The following BAZ2B variants were observed in gnomAD, a reference collection of about 807,000 sequenced individuals.
The protein encoded by BAZ2B is bromodomain adjacent to zinc finger domain 2B, also known as bromodomain adjacent to zinc finger domain protein 2B.
In BAZ2B, 91 loss-of-function variants were observed where a neutral mutation model predicts 246.0. That is an observed-to-expected ratio of 0.37 (90% CI 0.31 to 0.44). The LOEUF is 0.44. BAZ2B is among the 20% of genes least tolerant of loss of function. The pLI, the probability that BAZ2B is intolerant of heterozygous loss-of-function variation, is 1.00. For missense variants in BAZ2B, 2,332 were observed against 2,533.7 expected, an observed-to-expected ratio of 0.92 and a Z score of 1.71; for synonymous variants, 855 against 860.0, an observed-to-expected ratio of 0.99 and a Z score of 0.10.
intron 6 of BAZ2B, 126 bp downstream of exon 6, chr2:159,446,656 G>GAAATAAAAA (rs2074293920): frequency 1.3e-6 from 1 of 780,746 alleles, no homozygotes; most frequent in Non-Finnish European, 2.0e-6. Flanking sequence ...CATAAATCAC[G>GAAATAAAAA]TATCTATAAA....
chr2:159,596,777 C>T (rs1001439121), intron 1 of BAZ2B, among the ~76,000 whole-genome samples: 2 of 152,216 alleles, frequency 1.3e-5, no homozygotes, highest in African/African-American at 4.8e-5. Context: ...TGAGTGAGAA[C>T]ATACGATGTT....
chr2:159,337,083 T>A lies in BAZ2B; in HGVS notation c.5661-6A>T, dbSNP rs2065799736. On this transcript the variant is annotated splice_region_variant and splice_polypyrimidine_tract_variant and intron_variant, in intron 32 of 36. Coordinates refer to ENST00000392783, the MANE Select transcript of BAZ2B (RefSeq NM_013450.4). ...GAGCAATATCCTCTTCAATTCTGCA[T>A]TGAAATATAGAAAAATTAAGTAGGT... is the stretch of plus-strand genomic sequence containing the variant. 1 of 1,605,258 alleles carries A rather than the reference T, an allele frequency of 6.2e-7. No individual in the cohort carries two copies. Among genetic ancestry groups the A allele is most frequent in the South Asian group, 1.1e-5 (1 of 88,772 alleles).
Position 159,433,146 on chromosome 2 carries a change from T to C in BAZ2B, c.1511A>G (p.Glu504Gly), listed in dbSNP as rs755901075. Reference protein sequence around the residue: ...PNGVIQSVIQEAPLALTTKTK... With the variant: ...PNGVIQSVIQGAPLALTTKTK... Reference sequence around the variant, plus strand: ...TTTGGTAGTAAGTGCTAGAGGAGCTTCTTGAATGACACTTTGAATAACTCC... The same window carrying C: ...TTTGGTAGTAAGTGCTAGAGGAGCTCCTTGAATGACACTTTGAATAACTCC... The change falls in exon 9 of 37, where the codon GAA (glutamate) becomes GGA (glycine). Residue 504 changes from glutamate (E) to glycine (G), a missense_variant. Physicochemically the swap from Glu to Gly is moderately conservative, Grantham distance 98. Around this residue, in one of 9 missense-constraint regions of BAZ2B, gnomAD observed 651 missense variants for 650.9 expected, o/e 1.00. Coordinates refer to ENST00000392783, the MANE Select transcript of BAZ2B (RefSeq NM_013450.4). 2 of 1,614,188 alleles carry C rather than the reference T, an allele frequency of 1.2e-6. No individual in the cohort carries two copies. The highest frequency in any genetic ancestry group is 1.7e-6 in the Non-Finnish European group (2 of 1,180,014).
the BAZ2B span, among the ~76,000 whole-genome samples, chr2:159,688,267 C>T: frequency 1.3e-5 from 2 of 152,164 alleles, no homozygotes; most frequent in East Asian, 3.9e-4. Context: ...GCCTTGAACT[C>T]CTAAGCTCAA....
At chr2:159,469,124 A>AG (rs767678689) in intron 3 of BAZ2B, among the ~76,000 whole-genome samples, 17 of 151,500 alleles carry the variant, frequency 1.1e-4, no homozygotes, top group Non-Finnish European at 2.1e-4. Flanking sequence ...AATTAATGAG[A>AG]GAAAAAAAAC....
intron 1 of BAZ2B, among the ~76,000 whole-genome samples, chr2:159,581,650 T>C (rs1338109091): frequency 1.3e-5 from 2 of 151,868 alleles, no homozygotes; most frequent in East Asian, 3.9e-4. Context: ...CTATTCACAA[T>C]AGCAAAGAAT....
intron 36 of BAZ2B, among the ~76,000 whole-genome samples, chr2:159,320,959 C>A (rs573490793): frequency 1.4e-4 from 21 of 152,260 alleles, no homozygotes; most frequent in African/African-American, 5.1e-4. Context: ...GCTCTTCTGC[C>A]CAAGCAATAG....
At chr2:159,399,142 T>G (rs1472134533) in intron 17 of BAZ2B, among the ~76,000 whole-genome samples, 1 of 45,320 alleles carries the variant, frequency 2.2e-5, no homozygotes, top group African/African-American at 4.2e-5. Context: ...GCTTTTCTTC[T>G]TCAAGCTTTG....
intron 19 of BAZ2B, chr2:159,396,980 C>T: frequency 1.0e-6 from 1 of 985,928 alleles, no homozygotes; most frequent in Admixed American, 2.8e-5. Flanking sequence ...AATATGACAG[C>T]AGCCAGTGCT....
chr2:159,586,981 A>G (rs181426804), intron 1 of BAZ2B, among the ~76,000 whole-genome samples: 25 of 152,288 alleles, frequency 1.6e-4, no homozygotes, highest in Non-Finnish European at 3.7e-4. Flanking sequence ...ACCTTCCTAA[A>G]ACCTAAACCT....
intron 3 of BAZ2B, among the ~76,000 whole-genome samples, chr2:159,465,015 G>C (rs1003379221): frequency 2.6e-5 from 4 of 152,178 alleles, no homozygotes; most frequent in African/African-American, 9.7e-5. Flanking sequence ...TAGACTGGGT[G>C]TATTAGTTTG....
intron 2 of BAZ2B, among the ~76,000 whole-genome samples, chr2:159,488,155 C>G (rs1245339437): frequency 6.6e-6 from 1 of 152,134 alleles, no homozygotes; most frequent in African/African-American, 2.4e-5. Flanking sequence ...CTACTGCAAT[C>G]TCCACCTCCT....
intron 1 of BAZ2B, among the ~76,000 whole-genome samples, chr2:159,582,157 T>A (rs749429094): frequency 1.8e-4 from 27 of 152,222 alleles, no homozygotes; most frequent in Non-Finnish European, 3.5e-4. Context: ...ATAGGTAGAA[T>A]ATATAATCAA....
chr2:159,628,897 A>G, the BAZ2B span, among the ~76,000 whole-genome samples: 1 of 152,248 alleles, frequency 6.6e-6, no homozygotes, highest in Non-Finnish European at 1.5e-5. Flanking sequence ...ACAGAATGGG[A>G]GAAAATTTTT....
At chr2:159,603,411 A>C (rs891722329) in intron 1 of BAZ2B, among the ~76,000 whole-genome samples, 2 of 152,182 alleles carry the variant, frequency 1.3e-5, no homozygotes, top group African/African-American at 4.8e-5. Context: ...GGACTCTCTG[A>C]AATTTCTTTC....
intron 18 of BAZ2B, 24 bp from the exon 19 acceptor site, chr2:159,397,413 A>G (rs973711020): frequency 1.4e-6 from 2 of 1,447,634 alleles, no homozygotes; most frequent in Non-Finnish European, 1.9e-6. Context: ...AACTTTTAAT[A>G]CGTGATTTTT....
At chr2:159,568,903 T>C (rs1683265299) in intron 1 of BAZ2B, among the ~76,000 whole-genome samples, 2 of 152,200 alleles carry the variant, frequency 1.3e-5, no homozygotes, top group African/African-American at 4.8e-5. Context: ...TAGGCATAAA[T>C]TGTAATTCAC....
At chr2:159,615,519 G>A (rs1030605946) in intron 1 of BAZ2B, 5 of 136,954 alleles carry the variant, frequency 3.7e-5, no homozygotes, top group African/African-American at 1.2e-4. Context: ...AGTAAACTCA[G>A]AGCCTCCAGC....
chr2:159,453,466 T>C (rs1196146627), intron 4 of BAZ2B, 147 bp downstream of exon 4: 2 of 909,606 alleles, frequency 2.2e-6, no homozygotes, highest in African/African-American at 1.7e-5. Flanking sequence ...TTTTTGCACA[T>C]GATAAATAGG....
Sources: gnomAD v4.1 joint callset for allele counts (sites outside exome capture counted in the v4.1 genomes callset) on GRCh38, gnomAD v4.1.1 for gene constraint, gnomAD v4.1.1 regional missense constraint, MANE v1.5 for transcripts, NCBI Gene and HGNC (gene_info 2026-07-23, HGNC 2026-07-21) for gene names.